FCHSD2: variants seen among roughly 807,000 people sequenced by gnomAD.
FCHSD2 encodes the protein FCH and double SH3 domains 2.
Under a neutral mutation model 108.1 loss-of-function variants are expected in FCHSD2, and 38 were observed. The observed-to-expected ratio is 0.35, with a 90% confidence interval of 0.27 to 0.46. The LOEUF is 0.46. Ranked by LOEUF, FCHSD2 falls within the 20% of genes least tolerant of loss-of-function variation. The probability of loss-of-function intolerance (pLI) is 1.00; values close to 1 mark genes in which losing one functional copy is unlikely to be tolerated. For missense variants in FCHSD2, 751 were observed against 897.8 expected (o/e 0.84, Z 2.09); for synonymous variants, 279 against 314.7 (o/e 0.89, Z 1.20).
chr11:73,096,804 G>A (rs1860088478), intron 2 of FCHSD2, among the ~76,000 whole-genome samples: 1 of 151,142 alleles, frequency 6.6e-6, no homozygotes. Flanking sequence ...TCTGGCTTGG[G>A]GGACAGCATG....
intron 4 of FCHSD2, among the ~76,000 whole-genome samples, chr11:73,006,550 G>A (rs1214272554): frequency 6.6e-6 from 1 of 152,170 alleles, no homozygotes; most frequent in Admixed American, 6.5e-5. Context: ...CCCGCTTTGA[G>A]CCACCCTCAC....
In FCHSD2 at chr11:72,917,682, T is replaced by C. The variant is rs572193296; in HGVS notation, c.828+4146A>G. ...AGGCGGATCACTTGACGTCAGGAGTTCAAGACTAGCCTGGCTAACATGACG... is the reference window on the plus strand; with the variant it reads ...AGGCGGATCACTTGACGTCAGGAGTCCAAGACTAGCCTGGCTAACATGACG... On this transcript the variant is annotated intron_variant, in intron 9 of 19. Transcript: ENST00000409418. Among the ~76,000 whole-genome samples, 180 of 152,282 alleles carry C rather than the reference T, an allele frequency of 1.2e-3. 2 individuals are homozygous for C. In the South Asian group the frequency reaches 0.036, roughly 31 times the overall value.
chr11:72,975,747 C>T (rs1857092622), intron 8 of FCHSD2, among the ~76,000 whole-genome samples: 1 of 152,120 alleles, frequency 6.6e-6, no homozygotes, highest in Non-Finnish European at 1.5e-5. Flanking sequence ...TAGATTTCTG[C>T]CATACAGAAA....
intron 3 of FCHSD2, among the ~76,000 whole-genome samples, chr11:73,053,970 CA>C (rs543047095): frequency 5.9e-5 from 9 of 151,980 alleles, no homozygotes; most frequent in Non-Finnish European, 1.0e-4. Flanking sequence ...TTGTATTTTA[CA>C]AAAATGTCCA....
rs1210493218 is a variant in FCHSD2, at chr11:72,838,871, G to A, written c.2143C>T (p.Arg715Trp). ...ETSYGKLRPV[R>W]AAPPPPTQNH... ...TGTGTAGGTGGAGGGGGAGCTGCCC[G>A]GACCTGAGCAGGAAACAATTACGTA... Residue 715 changes from arginine (R) to tryptophan (W), a missense_variant, in exon 20 of 20, where the codon CGG becomes TGG. Physicochemically the swap from Arg to Trp is moderately radical, Grantham distance 101. Transcript: ENST00000409418. 6.3e-7 allele frequency: 1 copy of A among 1,598,442 alleles called. No homozygotes were observed. The highest frequency in any genetic ancestry group is 2.3e-5 in the East Asian group (1 of 44,438).
intron 9 of FCHSD2, 32 bp downstream of exon 9, chr11:72,921,796 T>C: frequency 1.9e-6 from 3 of 1,584,774 alleles, no homozygotes; most frequent in Non-Finnish European, 2.6e-6. Context: ...CTAAGTTGGA[T>C]AACACTACAC....
intron 6 of FCHSD2, among the ~76,000 whole-genome samples, chr11:72,985,352 ATGACCAAAAAAAAAAAAAAAAAAACT>A: frequency 1.3e-5 from 2 of 148,222 alleles, no homozygotes; most frequent in South Asian, 4.3e-4. Context: ...AATATCCAGA[ATGACCAAAAAAAAAAAAAAAAAAACT>A]TGACCAAAAA....
At chr11:73,087,736 T>G (rs560859392) in intron 2 of FCHSD2, among the ~76,000 whole-genome samples, 1 of 152,176 alleles carries the variant, frequency 6.6e-6, no homozygotes, top group African/African-American at 2.4e-5. Context: ...AAAATAAATT[T>G]AGTGCAGCCT....
At position 73,040,151 on chromosome 11, in the gene FCHSD2, T is replaced by C. The variant is rs546018019; in HGVS notation, c.166-24266A>G. 6.6e-5 allele frequency among the ~76,000 whole-genome samples: 10 copies of C among 152,326 alleles called. No homozygotes were observed. The East Asian group carries it at 1.9e-3, about 29-fold the overall frequency. On this transcript the variant is annotated intron_variant, in intron 3 of 19. Transcript: ENST00000409418. ...TACACAAAGGCTGAGTTCATTTGTT[T>C]TGGACAGGTGGCCAGTCTGCAGCTC...
chr11:73,005,069 C>G (rs1382503246), intron 4 of FCHSD2, among the ~76,000 whole-genome samples: 1 of 152,168 alleles, frequency 6.6e-6, no homozygotes, highest in Non-Finnish European at 1.5e-5. Flanking sequence ...ACCTCTCACT[C>G]AAGAATATCA....
At chr11:73,009,040 TAA>T (rs879944961) in intron 4 of FCHSD2, among the ~76,000 whole-genome samples, 3 of 142,640 alleles carry the variant, frequency 2.1e-5, no homozygotes, top group African/African-American at 2.5e-5. Context: ...TTCTCAAATT[TAA>T]AAAAAAAAAA....
intron 4 of FCHSD2, 110 bp from the exon 5 acceptor site, chr11:73,001,244 A>C (rs1481844809): frequency 6.8e-6 from 6 of 876,960 alleles, no homozygotes; most frequent in Non-Finnish European, 1.1e-5. Flanking sequence ...GTCTTCTTTA[A>C]TGTATTTATA....
At chr11:73,013,048 AGAT>A (rs1263677590) in intron 4 of FCHSD2, among the ~76,000 whole-genome samples, 1 of 152,220 alleles carries the variant, frequency 6.6e-6, no homozygotes, top group African/African-American at 2.4e-5. Flanking sequence ...ATTAAAGTAA[AGAT>A]GATAATATGA....
At chr11:72,928,544 C>G (rs143353128) in intron 8 of FCHSD2, among the ~76,000 whole-genome samples, 37 of 152,266 alleles carry the variant, frequency 2.4e-4, no homozygotes, top group Non-Finnish European at 4.1e-4. Flanking sequence ...AGGCAACTGA[C>G]ATTTACTAAC....
intron 8 of FCHSD2, among the ~76,000 whole-genome samples, chr11:72,971,212 T>A (rs1202839861): frequency 1.3e-5 from 2 of 152,096 alleles, no homozygotes; most frequent in African/African-American, 4.8e-5. Flanking sequence ...TATATATTAA[T>A]AAAAAGAACT....
intron 5 of FCHSD2, among the ~76,000 whole-genome samples, chr11:72,993,075 A>C (rs1198814590): frequency 2.0e-5 from 3 of 152,112 alleles, no homozygotes; most frequent in South Asian, 4.1e-4. Context: ...AAAAACAAAC[A>C]ACCCCATCAA....
intron 2 of FCHSD2, among the ~76,000 whole-genome samples, chr11:73,089,568 T>C (rs925447211): frequency 1.3e-5 from 2 of 152,208 alleles, no homozygotes; most frequent in African/African-American, 4.8e-5. Context: ...AAACAAGATG[T>C]GGTATATTTA....
intron 12 of FCHSD2, among the ~76,000 whole-genome samples, chr11:72,875,039 C>CA (rs1250604413): frequency 6.6e-6 from 1 of 152,166 alleles, no homozygotes; most frequent in African/African-American, 2.4e-5. Flanking sequence ...TTTAACACAA[C>CA]ATTTAACATA....
At chr11:73,010,032 T>C (rs1464673813) in intron 4 of FCHSD2, among the ~76,000 whole-genome samples, 1 of 152,212 alleles carries the variant, frequency 6.6e-6, no homozygotes, top group Non-Finnish European at 1.5e-5. Context: ...GGGAAACCAA[T>C]AATATGTGTA....
Sources: gnomAD v4.1 joint callset for allele counts (sites outside exome capture counted in the v4.1 genomes callset) on GRCh38, gnomAD v4.1.1 for gene constraint, MANE v1.5 for transcripts, NCBI Gene and HGNC (gene_info 2026-07-23, HGNC 2026-07-21) for gene names.